SOS2: variants seen among roughly 807,000 people sequenced by gnomAD.
SOS2 encodes SOS Ras/Rho guanine nucleotide exchange factor 2.
SOS2 carries 65 observed loss-of-function variants against 148.2 expected under a neutral mutation model. The ratio of observed to expected loss-of-function variants is 0.44; its 90% CI spans 0.36 to 0.54. The LOEUF is 0.54. SOS2 is among the 20% of genes least tolerant of loss of function. SOS2 has a pLI of 0.00. For synonymous variants in SOS2, 539 were observed against 537.1 expected, an observed-to-expected ratio of 1.00 and a Z score of -0.05; for missense variants, 1,341 against 1,590.2, an observed-to-expected ratio of 0.84 and a Z score of 2.67.
At chr14:50,189,407 C>G (rs1307561955) in intron 4 of SOS2, among the ~76,000 whole-genome samples, 1 of 145,094 alleles carries the variant, frequency 6.9e-6, no homozygotes, top group East Asian at 2.1e-4. Context: ...AGCCACTACT[C>G]GACTATGATT....
At chr14:50,201,591 T>C (rs565201100) in intron 2 of SOS2, among the ~76,000 whole-genome samples, 74 of 147,462 alleles carry the variant, frequency 5.0e-4, no homozygotes, top group Non-Finnish European at 8.1e-4. Context: ...ATAATTTTCA[T>C]GGATAAAACA....
intron 1 of SOS2, among the ~76,000 whole-genome samples, chr14:50,212,795 A>G: frequency 6.6e-6 from 1 of 152,210 alleles, no homozygotes. Flanking sequence ...CAAAGAGAAT[A>G]TCCTACAAGA....
At chr14:50,196,093 T>C (rs1886302161) in intron 4 of SOS2, among the ~76,000 whole-genome samples, 1 of 152,026 alleles carries the variant, frequency 6.6e-6, no homozygotes, top group African/African-American at 2.4e-5. Flanking sequence ...TTCACTTACA[T>C]GTGGAATCTG....
At chr14:50,169,446 G>A (rs1401727830) in intron 8 of SOS2, among the ~76,000 whole-genome samples, 7 of 151,760 alleles carry the variant, frequency 4.6e-5, no homozygotes, top group African/African-American at 1.7e-4. Flanking sequence ...GACCAGCCTG[G>A]CCAACATGGT....
chr14:50,144,712 ACAGGCGTG>A (rs1884410625), intron 16 of SOS2, among the ~76,000 whole-genome samples: 1 of 152,192 alleles, frequency 6.6e-6, no homozygotes, highest in Non-Finnish European at 1.5e-5. Flanking sequence ...TGCTGGGATT[ACAGGCGTG>A]AGCCACCACG....
In SOS2 at chr14:50,231,200, C is replaced by T. The variant is rs766189187; in HGVS notation, c.84G>A (p.Arg28=). The change falls in exon 1 of 23, where the codon CGG becomes CGA. Residue 28 remains arginine (R), a synonymous_variant. Coordinates refer to ENST00000216373, the MANE Select transcript of SOS2 (RefSeq NM_006939.4). ...KWRGLLVSAL[R]KVQEQVHPTL... is the part of the protein sequence containing the mutation. ...CCGCCCCGCCCCTAGCACTGACCTT[C>T]CGCAGGGCCGAGACCAACAGTCCCC... 8 of 1,476,438 alleles carry T rather than the reference C, an allele frequency of 5.4e-6. No individual in the cohort carries two copies. Among genetic ancestry groups the T allele is most frequent in the Admixed American group, 1.9e-5 (1 of 51,952 alleles). 91.5% of individuals were successfully genotyped at this position (1,476,438 alleles called of 1,614,324 possible).
chr14:50,158,227 C>T (rs760782623), intron 11 of SOS2, among the ~76,000 whole-genome samples: 4 of 150,218 alleles, frequency 2.7e-5, no homozygotes, highest in Admixed American at 6.6e-5. Flanking sequence ...AAGTAGTCTA[C>T]GGTCCAAAAA....
intron 22 of SOS2, 51 bp downstream of exon 22, chr14:50,120,223 AT>A: frequency 1.2e-6 from 1 of 830,726 alleles, no homozygotes. Flanking sequence ...ACTAGGCATT[AT>A]TTTGAAGATT....
At chr14:50,217,252 C>A (rs923010948) in intron 1 of SOS2, among the ~76,000 whole-genome samples, 1 of 151,998 alleles carries the variant, frequency 6.6e-6, no homozygotes, top group African/African-American at 2.4e-5. Flanking sequence ...AACCAGATAT[C>A]CATATACAAA....
At chr14:50,154,771 A>G (rs1594976930) in intron 12 of SOS2, among the ~76,000 whole-genome samples, 2 of 152,338 alleles carry the variant, frequency 1.3e-5, no homozygotes, top group South Asian at 2.1e-4. Context: ...AAATTGGAAC[A>G]CTGCCTTTGG....
Position 50,170,792 on chromosome 14 carries a change from C to A in SOS2, c.1068+3662G>T, listed in dbSNP as rs544312380. Among the ~76,000 whole-genome samples the A allele has an allele frequency of 1.1e-4, 16 of 150,150 alleles. No homozygotes were observed. The South Asian group carries it at 3.4e-3, about 32-fold the overall frequency. ...ACCACAATGAGATACCACCTCGTAT[C>A]CATTAGGATGACTATTATTAAAAAA... On this transcript the variant is annotated intron_variant, in intron 8 of 22. Coordinates refer to ENST00000216373, the MANE Select transcript of SOS2 (RefSeq NM_006939.4).
rs760192161 is a variant in SOS2 at position 50,204,353 on chromosome 14, A to G, written c.144T>C (p.Ile48=). 1 of 1,591,094 alleles carries G rather than the reference A, an allele frequency of 6.3e-7. No individual in the cohort carries two copies. The highest frequency in any genetic ancestry group is 8.6e-7 in the Non-Finnish European group (1 of 1,160,698). ...TAAGCAGCTGAAAAATCAGCTCTTC[A>G]ATATAATAGAGAGACTCTTCATTAG... The part of the protein sequence containing the change: ...LSANEESLYY[I]EELIFQLLNK... Residue 48 remains isoleucine (I), a synonymous_variant, in exon 2 of 23, where the codon ATT becomes ATC. Coordinates refer to ENST00000216373, the MANE Select transcript of SOS2 (RefSeq NM_006939.4).
At chr14:50,220,405 C>CGAAAAAAAA (rs779813155) in intron 1 of SOS2, among the ~76,000 whole-genome samples, 2 of 30,446 alleles carry the variant, frequency 6.6e-5, no homozygotes, top group African/African-American at 2.9e-4. Flanking sequence ...GACTCCATCT[C>CGAAAAAAAA]AAAAAAAAAA....
chr14:50,208,019 G>A (rs186405593), intron 1 of SOS2, among the ~76,000 whole-genome samples: 45 of 152,078 alleles, frequency 3.0e-4, no homozygotes, highest in Admixed American at 2.2e-3. Context: ...TTGTGGGCCC[G>A]GCACGGAGGC....
At chr14:50,209,416 A>C (rs1402266692) in intron 1 of SOS2, among the ~76,000 whole-genome samples, 1 of 151,964 alleles carries the variant, frequency 6.6e-6, no homozygotes, top group Non-Finnish European at 1.5e-5. Context: ...CACATAAATT[A>C]CCTGAACTCA....
intron 1 of SOS2, among the ~76,000 whole-genome samples, chr14:50,214,638 C>G (rs763503775): frequency 6.6e-6 from 1 of 150,920 alleles, no homozygotes; most frequent in Non-Finnish European, 1.5e-5. Context: ...GAGACTCCAT[C>G]TTTAAATAAA....
chr14:50,197,966 G>A (rs907640401), intron 4 of SOS2, among the ~76,000 whole-genome samples: 4 of 150,710 alleles, frequency 2.7e-5, no homozygotes, highest in Admixed American at 6.6e-5. Context: ...CTGGGATTAC[G>A]GGCGTGATCC....
Position 50,163,433 on chromosome 14 carries a change from G to T in SOS2, c.1069-1824C>A, listed in dbSNP as rs183475668. 8.2e-3 allele frequency among the ~76,000 whole-genome samples: 1,255 copies of T among 152,128 alleles called. 48 individuals carry two copies. The highest frequency in any genetic ancestry group is 0.073 in the Admixed American group (1,114 of 15,268). The stretch of plus-strand genomic sequence containing the variant: ...TCCATTACCTTTTATTTATGTCTTA[G>T]AAATTAGTCTCTATATGAAGCACAG... On this transcript the variant is annotated intron_variant, in intron 8 of 22. Coordinates refer to ENST00000216373, the MANE Select transcript of SOS2 (RefSeq NM_006939.4).
intron 19 of SOS2, among the ~76,000 whole-genome samples, chr14:50,133,121 G>A (rs903768460): frequency 2.0e-5 from 3 of 151,740 alleles, no homozygotes; most frequent in African/African-American, 7.3e-5. Flanking sequence ...TTACAAAAGT[G>A]TCCTGAACTT....
Sources: gnomAD v4.1 joint callset for allele counts (sites outside exome capture counted in the v4.1 genomes callset) on GRCh38, gnomAD v4.1.1 for gene constraint, MANE v1.5 for transcripts, NCBI Gene and HGNC (gene_info 2026-07-23, HGNC 2026-07-21) for gene names.